The following ALLC variants were observed in gnomAD, a reference collection of about 807,000 sequenced individuals.
ALLC encodes the protein allantoicase, also known as probable inactive allantoicase.
ALLC carries 40 observed loss-of-function variants against 45.0 expected under a neutral mutation model. That is an observed-to-expected ratio of 0.89 (90% CI 0.69 to 1.16). ALLC has a LOEUF of 1.16. Among genes scored for constraint, ALLC ranks in the 50% most tolerant of loss-of-function variants. The pLI is 0.00. For synonymous variants in ALLC, 176 were observed against 178.1 expected (o/e 0.99, Z 0.09); for missense variants, 488 against 493.1 (o/e 0.99, Z 0.10).
chr2:3,687,652 A>G (rs1558544572), intron 7 of ALLC, among the ~76,000 whole-genome samples: 2 of 150,844 alleles, frequency 1.3e-5, no homozygotes, highest in Non-Finnish European at 3.0e-5. Context: ...CTATTTCTTC[A>G]TGGTTCAATC....
At chr2:3,695,458 G>A (rs1667638424) in intron 7 of ALLC, 1 of 426,984 alleles carries the variant, frequency 2.3e-6, no homozygotes, top group Admixed American at 4.0e-5. Flanking sequence ...AGCATGAGAG[G>A]GAAGACTTTT....
At chr2:3,673,965 G>T in intron 2 of ALLC, 110 bp from the exon 3 acceptor site, 1 of 809,618 alleles carries the variant, frequency 1.2e-6, no homozygotes. Context: ...TCCCCTAGGT[G>T]ATTTCACGTT....
chr2:3,686,624 G>A (rs1163039805), intron 7 of ALLC, among the ~76,000 whole-genome samples: 1 of 150,698 alleles, frequency 6.6e-6, no homozygotes, highest in Non-Finnish European at 1.5e-5. Flanking sequence ...TTTCACCAGT[G>A]TTTTATAGTT....
In ALLC at chr2:3,697,458, T is replaced by G. The variant is rs745865219; in HGVS notation, c.850+2T>G. 1 of 1,611,532 alleles carries G rather than the reference T, an allele frequency of 6.2e-7. No individual in the cohort carries two copies. The highest frequency in any genetic ancestry group is 1.1e-5 in the South Asian group (1 of 91,006). On this transcript the variant is annotated splice_donor_variant, in intron 10 of 11. Transcript: ENST00000252505. LOFTEE classifies it high-confidence loss of function. ...AAATTGACACAAAATATTTTGAAGGTAAATGCAAAGCCATAAAGAAGTACC... is the reference window on the plus strand; with the variant it reads ...AAATTGACACAAAATATTTTGAAGGGAAATGCAAAGCCATAAAGAAGTACC...
At chr2:3,701,774 G>A in intron 11 of ALLC, 138 bp downstream of exon 11, 3 of 1,071,232 alleles carry the variant, frequency 2.8e-6, no homozygotes, top group Non-Finnish European at 3.8e-6. Flanking sequence ...ACCCCTATCT[G>A]CAAACTTTAA....
chr2:3,654,934 A>G (rs915648108), upstream of ALLC, among the ~76,000 whole-genome samples: 1 of 152,254 alleles, frequency 6.6e-6, no homozygotes, highest in African/African-American at 2.4e-5. Flanking sequence ...AGTTAGCACG[A>G]ATTAGAGGCT....
At chr2:3,646,460 T>G in the ALLC span, among the ~76,000 whole-genome samples, 1 of 152,236 alleles carries the variant, frequency 6.6e-6, no homozygotes, top group African/African-American at 2.4e-5. Flanking sequence ...TGATATCTCC[T>G]TGAATTTAAT....
chr2:3,682,945 A>C lies in ALLC; in HGVS notation c.382A>C (p.Lys128Gln). The C allele has an allele frequency of 6.2e-7, 1 of 1,611,992 alleles. No homozygotes were observed. The highest frequency in any genetic ancestry group is 1.1e-5 in the South Asian group (1 of 90,508). Residue 128 changes from lysine (K) to glutamine (Q), a missense_variant, in exon 7 of 12, where the codon AAA (lysine) becomes CAA (glutamine). By Grantham distance (53) the Lys-to-Gln change is moderately conservative. Transcript: ENST00000252505. The stretch of plus-strand genomic sequence containing the variant: ...ACATTTCTATATTTATTGCTAGCTA[A>C]AATCCGACGACTGGAGTTACTTGGT... ...PEEFEAIAEL[K>Q]SDDWSYLVPM...
At chr2:3,654,343 A>G (rs1242815110), upstream of ALLC, among the ~76,000 whole-genome samples, 2 of 152,270 alleles carry the variant, frequency 1.3e-5, no homozygotes, top group Admixed American at 1.3e-4. Flanking sequence ...AGGAAAAGCA[A>G]CGGCTGCAGT....
At chr2:3,651,423 G>GCA in the ALLC span, among the ~76,000 whole-genome samples, 8 of 57,846 alleles carry the variant, frequency 1.4e-4, no homozygotes, top group South Asian at 8.5e-4. Flanking sequence ...GTGTGTGTGT[G>GCA]TGTGTGTGTG....
the ALLC span, among the ~76,000 whole-genome samples, chr2:3,648,338 C>G: frequency 1.3e-5 from 2 of 152,200 alleles, no homozygotes; most frequent in Admixed American, 6.5e-5. Context: ...TTCACATGCT[C>G]GAGGCTGCTC....
rs73910324 is a variant in ALLC at position 3,666,392 on chromosome 2, C to G, written c.-62-4704C>G. Among the ~76,000 whole-genome samples the G allele has an allele frequency of 7.8e-3, 1,193 of 152,338 alleles. 26 individuals are homozygous for G. Among genetic ancestry groups the G allele is most frequent in the African/African-American group, 0.028 (1,146 of 41,574 alleles). ...CTGTGTGCCCGTGACTGGCCCAGCA[C>G]TGCGTGATTTTGCGTGGAGCAGAGG... is the stretch of plus-strand genomic sequence containing the variant. On this transcript the variant is annotated intron_variant, in intron 1 of 11. Coordinates refer to ENST00000252505, the MANE Select transcript of ALLC (RefSeq NM_018436.4).
chr2:3,673,406 T>C (rs1228530123), intron 2 of ALLC, among the ~76,000 whole-genome samples: 1 of 152,228 alleles, frequency 6.6e-6, no homozygotes, highest in Non-Finnish European at 1.5e-5. Context: ...TTCCCTCTGC[T>C]CTGCCACTCA....
At chr2:3,681,787 G>T in intron 6 of ALLC, 74 bp downstream of exon 6, 1 of 1,195,472 alleles carries the variant, frequency 8.4e-7, no homozygotes, top group Non-Finnish European at 1.2e-6. Context: ...TGCACACCTG[G>T]CTGTGCAAGG....
intron 3 of ALLC, 94 bp from the exon 4 acceptor site, chr2:3,678,374 C>G: frequency 9.3e-7 from 1 of 1,079,994 alleles, no homozygotes; most frequent in Non-Finnish European, 1.4e-6. Flanking sequence ...CGGTTTGCAC[C>G]GTTCCTCTGG....
At chr2:3,697,705 G>A (rs1051496442) in intron 10 of ALLC, among the ~76,000 whole-genome samples, 15 of 150,124 alleles carry the variant, frequency 1.0e-4, no homozygotes, top group African/African-American at 2.2e-4. Flanking sequence ...TTGCTGTGTC[G>A]CCCAGCCTGG....
intron 3 of ALLC, 116 bp from the exon 4 acceptor site, chr2:3,678,352 T>C: frequency 1.3e-6 from 1 of 774,488 alleles, no homozygotes; most frequent in Admixed American, 2.3e-5. Flanking sequence ...TGGCAGAGGC[T>C]CCCCTAGACC....
chr2:3,668,398 A>G (rs1023805178), intron 1 of ALLC, among the ~76,000 whole-genome samples: 2 of 151,902 alleles, frequency 1.3e-5, no homozygotes, highest in Non-Finnish European at 2.9e-5. Context: ...TGAACAGGGA[A>G]TGACTTTTGT....
chr2:3,685,670 G>T (rs931020612), intron 7 of ALLC, among the ~76,000 whole-genome samples: 4 of 150,840 alleles, frequency 2.7e-5, no homozygotes, highest in African/African-American at 9.7e-5. Flanking sequence ...CATGTCAAAA[G>T]CCATTTCAAC....
Sources: gnomAD v4.1 joint callset for allele counts (sites outside exome capture counted in the v4.1 genomes callset) on GRCh38, gnomAD v4.1.1 for gene constraint, MANE v1.5 for transcripts, NCBI Gene and HGNC (gene_info 2026-07-23, HGNC 2026-07-21) for gene names.